The following BFAR variants were observed in gnomAD, a reference collection of about 807,000 sequenced individuals.
BFAR encodes the protein bifunctional apoptosis regulator.
BFAR carries 52 observed loss-of-function variants against 54.4 expected under a neutral mutation model. The observed-to-expected ratio is 0.96, with a 90% CI of 0.77 to 1.21. The LOEUF (loss-of-function observed/expected upper bound fraction) is 1.21. Ranked by LOEUF, BFAR falls within the 50% of genes most tolerant of loss-of-function variation. The pLI is 0.00. For missense variants in BFAR, 571 were observed against 534.0 expected (o/e 1.07, Z -0.68); for synonymous variants, 215 against 204.3 (o/e 1.05, Z -0.45).
chr16:14,642,198 T>C (rs1250967936), intron 1 of BFAR, among the ~76,000 whole-genome samples: 1 of 152,188 alleles, frequency 6.6e-6, no homozygotes, highest in Admixed American at 6.5e-5. Context: ...AATAGCAAGA[T>C]TGAGAAACTC....
chr16:14,636,872 T>C (rs991301437), intron 1 of BFAR, among the ~76,000 whole-genome samples: 4 of 152,238 alleles, frequency 2.6e-5, no homozygotes, highest in Admixed American at 6.5e-5. Flanking sequence ...TTAAGGAGTA[T>C]GCTGCCTTCA....
At chr16:14,661,364 T>TC (rs1473309123) in intron 5 of BFAR, among the ~76,000 whole-genome samples, 2 of 130,436 alleles carry the variant, frequency 1.5e-5, no homozygotes, top group Non-Finnish European at 3.2e-5. Context: ...TTTTCACCCC[T>TC]CCCCCCAGCT....
intron 1 of BFAR, among the ~76,000 whole-genome samples, 175 bp from the exon 2 acceptor site, chr16:14,644,099 G>C (rs1035970269): frequency 2.2e-4 from 33 of 150,710 alleles, no homozygotes; most frequent in African/African-American, 6.1e-4. Context: ...GGAGGTGGAG[G>C]TTGCAGTGAG....
intron 2 of BFAR, among the ~76,000 whole-genome samples, chr16:14,644,849 G>A (rs187351695): frequency 1.3e-5 from 2 of 152,106 alleles, no homozygotes; most frequent in East Asian, 1.9e-4. Context: ...TTGAAAGGTC[G>A]CACACTTGGA....
At chr16:14,653,262 A>G (rs998268669) in intron 4 of BFAR, among the ~76,000 whole-genome samples, 1 of 152,148 alleles carries the variant, frequency 6.6e-6, no homozygotes, top group Non-Finnish European at 1.5e-5. Context: ...GCCAGCTTAC[A>G]GTGATGTTTT....
rs1960486617 is a variant in BFAR at position 14,667,810 on chromosome 16, G to A, written c.1336G>A (p.Glu446Lys). The A allele has an allele frequency of 6.2e-7, 1 of 1,614,028 alleles. No individual in the cohort carries two copies. Among genetic ancestry groups the A allele is most frequent in the African/African-American group, 1.3e-5 (1 of 74,930 alleles). ...TGTGGTCAAGGAACTCCGGCGGCTG[G>A]AAACCCAGGTGTTGTGACTGGCACT... ...DLVVKELRRL[E>K]TQVL Residue 446 changes from glutamate (E) to lysine (K), a missense_variant, in exon 8 of 8, where the codon GAA (glutamate) becomes AAA (lysine). Coordinates refer to ENST00000261658, the MANE Select transcript of BFAR (RefSeq NM_016561.3).
chr16:14,664,032 A>G lies in BFAR; in HGVS notation c.958-837A>G, dbSNP rs147648937. ...AGAGGCGGGCAAATCACCTGAGGTC[A>G]GGAGTTTCAAGACCAGCCTGGCCAA... On this transcript the variant is annotated intron_variant, in intron 6 of 7. Coordinates refer to ENST00000261658, the MANE Select transcript of BFAR (RefSeq NM_016561.3). Among the ~76,000 whole-genome samples the G allele has an allele frequency of 1.5e-3, 228 of 152,262 alleles. 4 individuals carry two copies. In the East Asian group the frequency reaches 0.036, roughly 24 times the overall value.
intron 1 of BFAR, among the ~76,000 whole-genome samples, chr16:14,637,703 C>CTTGT (rs1166692541): frequency 2.6e-5 from 4 of 151,946 alleles, no homozygotes; most frequent in African/African-American, 9.7e-5. Context: ...GTGGCGCCTG[C>CTTGT]TTGTAATCCC....
chr16:14,634,246 C>A (rs539096911), intron 1 of BFAR, among the ~76,000 whole-genome samples: 1 of 152,328 alleles, frequency 6.6e-6, no homozygotes, highest in East Asian at 1.9e-4. Flanking sequence ...AGGGACTGCA[C>A]GTGCTGATGG....
chr16:14,657,271 G>C, intron 5 of BFAR, among the ~76,000 whole-genome samples: 1 of 151,350 alleles, frequency 6.6e-6, no homozygotes, highest in Non-Finnish European at 1.5e-5. Flanking sequence ...TTTTTTGAGA[G>C]GGTGTCTCGC....
chr16:14,659,011 G>T (rs991014249), intron 5 of BFAR, among the ~76,000 whole-genome samples: 2 of 151,414 alleles, frequency 1.3e-5, no homozygotes, highest in East Asian at 2.0e-4. Flanking sequence ...AGGTTCGAGC[G>T]ATTCCCCTGC....
chr16:14,633,881 G>C (rs1160350015), intron 1 of BFAR, among the ~76,000 whole-genome samples: 2 of 152,128 alleles, frequency 1.3e-5, no homozygotes, highest in Non-Finnish European at 2.9e-5. Flanking sequence ...TCGAACTCCT[G>C]GCCTCAAGTG....
rs1960519861 is a variant in BFAR at position 14,668,951 on chromosome 16, T to C, written c.*1124T>C. 2.7e-6 allele frequency: 1 copy of C among 366,374 alleles called. No homozygotes were observed. Among genetic ancestry groups the C allele is most frequent in the African/African-American group, 2.1e-5 (1 of 47,566 alleles). 22.7% of individuals were successfully genotyped at this position (366,374 alleles called of 1,614,324 possible). Reference sequence around the variant, plus strand: ...ATCTTTATTGTCCTATCCTGATGTATAATACAGCAGGTATAATTACACCAA... The same window carrying C: ...ATCTTTATTGTCCTATCCTGATGTACAATACAGCAGGTATAATTACACCAA... On this transcript the variant is annotated 3_prime_UTR_variant, in exon 8 of 8. Coordinates refer to ENST00000261658, the MANE Select transcript of BFAR (RefSeq NM_016561.3).
chr16:14,665,779 A>G (rs957131252), intron 7 of BFAR, among the ~76,000 whole-genome samples: 4 of 152,220 alleles, frequency 2.6e-5, no homozygotes, highest in South Asian at 4.1e-4. Flanking sequence ...TGAGAAGTCA[A>G]TATGGCAGAT....
Position 14,636,199 on chromosome 16 carries a change from C to T in BFAR, c.-74+3181C>T, listed in dbSNP as rs193097505. ...TGTGGGTGTTTCTCGTTAGGTGGAA[C>T]GAGAGACTTGGAAAAGAAAAAGACA... On this transcript the variant is annotated intron_variant, in intron 1 of 7. Coordinates refer to ENST00000261658, the MANE Select transcript of BFAR (RefSeq NM_016561.3). Among the ~76,000 whole-genome samples, 476 of 152,036 alleles carry T rather than the reference C, an allele frequency of 3.1e-3. 7 individuals carry two copies. Among genetic ancestry groups the T allele is most frequent in the South Asian group, 0.031 (147 of 4,804 alleles).
At chr16:14,654,515 T>C (rs1960066386) in intron 4 of BFAR, among the ~76,000 whole-genome samples, 1 of 120,352 alleles carries the variant, frequency 8.3e-6, no homozygotes, top group Non-Finnish European at 1.9e-5. Flanking sequence ...TTTTTTTTTT[T>C]TTTGAGATGG....
intron 1 of BFAR, chr16:14,633,609 T>G (rs974962429): frequency 1.3e-5 from 2 of 152,262 alleles, no homozygotes; most frequent in South Asian, 2.1e-4. Context: ...GCTCTTCTGA[T>G]TCTGCGACTT....
chr16:14,645,155 A>G (rs1364100002), intron 2 of BFAR, among the ~76,000 whole-genome samples: 1 of 152,072 alleles, frequency 6.6e-6, no homozygotes, highest in Non-Finnish European at 1.5e-5. Flanking sequence ...CTCTATAGAA[A>G]GTTTTAAAAA....
intron 1 of BFAR, among the ~76,000 whole-genome samples, chr16:14,637,501 A>G (rs1436326417): frequency 1.3e-5 from 2 of 152,082 alleles, no homozygotes; most frequent in Non-Finnish European, 2.9e-5. Context: ...CTTATTCCAT[A>G]TGATTGTTAT....
Sources: allele counts gnomAD v4.1 joint callset (sites outside exome capture counted in the v4.1 genomes callset), GRCh38; gene constraint gnomAD v4.1.1; transcripts MANE v1.5; gene names NCBI Gene and HGNC (gene_info 2026-07-23, HGNC 2026-07-21).